Variants in CAMKK1 observed in about 807,000 individuals in gnomAD.
CAMKK1 encodes calcium/calmodulin-dependent protein kinase kinase 1.
Under a neutral mutation model 63.5 loss-of-function variants are expected in CAMKK1, and 20 were observed. That is an observed-to-expected ratio of 0.32 (90% CI 0.22 to 0.46). The LOEUF (loss-of-function observed/expected upper bound fraction) is 0.46, where lower values mean the gene tolerates loss of function less well. CAMKK1 is among the 20% of genes least tolerant of loss of function. The pLI is 1.00. For missense variants in CAMKK1, 588 were observed against 658.1 expected (o/e 0.89, Z 1.17); for synonymous variants, 253 against 269.0 (o/e 0.94, Z 0.58).
In CAMKK1 at chr17:3,890,623, T is replaced by C. The variant is rs142264203; in HGVS notation, c.-44+2316A>G. ...ATTCTTTCCTGACCCAGGTCAGCAATCCGGGAGCCCTCCTTGTCACTCGTC... is the reference window on the plus strand; with the variant it reads ...ATTCTTTCCTGACCCAGGTCAGCAACCCGGGAGCCCTCCTTGTCACTCGTC... On this transcript the variant is annotated intron_variant, in intron 1 of 15. Transcript: ENST00000348335. This position sits in a 1 kb window ranked among gnomAD's most constrained non-coding sequence, Gnocchi z 6.5. 2.0e-3 allele frequency: 1,526 copies of C among 779,526 alleles called. 17 individuals are homozygous for C. The African/African-American group carries it at 0.022, about 11-fold the overall frequency. 48.3% of individuals were successfully genotyped at this position (779,526 alleles called of 1,614,324 possible).
chr17:3,876,088 G>T, intron 10 of CAMKK1, 135 bp downstream of exon 10: 3 of 807,720 alleles, frequency 3.7e-6, no homozygotes, highest in South Asian at 3.7e-5. Flanking sequence ...AGTTTGTCAG[G>T]CTCCAAGGAA....
Position 3,890,613 on chromosome 17 carries a change from AG to A in CAMKK1, c.-44+2325del, listed in dbSNP as rs2055863124. On this transcript the variant is annotated intron_variant, in intron 1 of 15. Transcript: ENST00000348335. The surrounding 1 kb of genome is among the most constrained non-coding windows in gnomAD (Gnocchi z 6.5). ...CACCCTCCCCATTCTTTCCTGACCC[AG>A]GTCAGCAATCCGGGAGCCCTCCTTG... The A allele has an allele frequency of 1.3e-6, 1 of 779,022 alleles. No individual in the cohort carries two copies. The highest frequency in any genetic ancestry group is 2.4e-6 in the Non-Finnish European group (1 of 417,490). 48.3% of individuals were successfully genotyped at this position (779,022 alleles called of 1,614,324 possible).
chr17:3,889,208 TCA>T lies in CAMKK1; in HGVS notation c.-43-3480_-43-3479del, dbSNP rs1395765421. ...CGGAAACCCAGGCCCATCTGGAGGC[TCA>T]CACAGGGGGTGTCTCAAGGCCCTTC... On this transcript the variant is annotated intron_variant, in intron 1 of 15. Transcript: ENST00000348335. The surrounding 1 kb of genome is among the most constrained non-coding windows in gnomAD (Gnocchi z 5.2). Among the ~76,000 whole-genome samples the T allele has an allele frequency of 1.3e-5, 2 of 152,074 alleles. No homozygotes were observed. The highest frequency in any genetic ancestry group is 4.8e-5 in the African/African-American group (2 of 41,396).
Position 3,890,851 on chromosome 17 carries a change from C to T in CAMKK1, c.-44+2088G>A. 1.3e-6 allele frequency: 1 copy of T among 754,946 alleles called. No homozygotes were observed. The highest frequency in any genetic ancestry group is 1.4e-5 in the South Asian group (1 of 71,908). 46.8% of individuals were successfully genotyped at this position (754,946 alleles called of 1,614,324 possible). A position where few individuals can be genotyped will look rare whatever the true frequency, so the allele number is the denominator to read the frequency against. On this transcript the variant is annotated intron_variant, in intron 1 of 15. Coordinates refer to ENST00000348335, the MANE Select transcript of CAMKK1 (RefSeq NM_032294.3). This position sits in a 1 kb window ranked among gnomAD's most constrained non-coding sequence, Gnocchi z 6.5. ...CCTCTTCTGAGCCCTCCTTGATCTCCCCACTACCTGCTGGGTGAGCTCACC... is the reference window on the plus strand; with the variant it reads ...CCTCTTCTGAGCCCTCCTTGATCTCTCCACTACCTGCTGGGTGAGCTCACC...
At chr17:3,870,740 C>T (rs2054811398) in intron 12 of CAMKK1, among the ~76,000 whole-genome samples, 1 of 152,182 alleles carries the variant, frequency 6.6e-6, no homozygotes, top group Non-Finnish European at 1.5e-5. Context: ...AAGCCACTCT[C>T]AGGACTGTTG....
At chr17:3,877,008 T>TCGGC (rs1294460294) in intron 9 of CAMKK1, among the ~76,000 whole-genome samples, 1 of 152,028 alleles carries the variant, frequency 6.6e-6, no homozygotes, top group East Asian at 1.9e-4. Flanking sequence ...TCCACCCACC[T>TCGGC]TGGCCTCCCA....
At chr17:3,871,344 T>G (rs1273314116) in intron 12 of CAMKK1, among the ~76,000 whole-genome samples, 8 of 50,334 alleles carry the variant, frequency 1.6e-4, no homozygotes, top group African/African-American at 2.8e-4. Context: ...TTTTTTTTTT[T>G]TTGTTTTTTT....
chr17:3,877,918 A>G (rs1359119617), intron 9 of CAMKK1, among the ~76,000 whole-genome samples: 1 of 152,206 alleles, frequency 6.6e-6, no homozygotes, highest in Non-Finnish European at 1.5e-5. Context: ...ACACAGTGCA[A>G]TAACATGTCT....
chr17:3,876,757 GTT>G (rs59503016), intron 9 of CAMKK1, among the ~76,000 whole-genome samples: 6 of 101,336 alleles, frequency 5.9e-5, no homozygotes, highest in Non-Finnish European at 8.9e-5. Context: ...TTTTTTTTTG[GTT>G]TTTTTTTTTT....
Position 3,883,342 on chromosome 17 carries a change from T to A in CAMKK1, c.514+87A>T. The A allele has an allele frequency of 6.7e-7, 1 of 1,501,664 alleles. No homozygotes were observed. The highest frequency in any genetic ancestry group is 9.3e-7 in the Non-Finnish European group (1 of 1,078,854). The allele number at this position is 1,501,664 out of a possible 1,614,324, so 93.0% of individuals were successfully genotyped here. On this transcript the variant is annotated intron_variant, in intron 5 of 15. Transcript: ENST00000348335. The surrounding 1 kb of genome is among the most constrained non-coding windows in gnomAD (Gnocchi z 4.7). Reference sequence around the variant, plus strand: ...TCACGCTGTCTCCCTCTCTACCCCATTCCTAGCCAAAACTAGCTCAGGATC... The same window carrying A: ...TCACGCTGTCTCCCTCTCTACCCCAATCCTAGCCAAAACTAGCTCAGGATC...
chr17:3,867,805 T>C (rs1270498536), intron 14 of CAMKK1, among the ~76,000 whole-genome samples: 7 of 152,098 alleles, frequency 4.6e-5, no homozygotes, highest in Non-Finnish European at 1.0e-4. Flanking sequence ...CACTTGACTG[T>C]CAGGCAGGGG....
At chr17:3,863,714 T>G (rs2054404816) in intron 15 of CAMKK1, among the ~76,000 whole-genome samples, 1 of 152,106 alleles carries the variant, frequency 6.6e-6, no homozygotes, top group Non-Finnish European at 1.5e-5. Flanking sequence ...CATCTCTATT[T>G]TTTTTTTAAA....
rs1259052198 is a variant in CAMKK1, at chr17:3,862,191, C to T, written c.*20G>A. ...GCGGGATGAGTGTGCTGCCGGGTGG[C>T]CCTGGGTGCATGCAGGGGCTCAGGA... On this transcript the variant is annotated 3_prime_UTR_variant, in exon 16 of 16. Coordinates refer to ENST00000348335, the MANE Select transcript of CAMKK1 (RefSeq NM_032294.3). This position sits in a 1 kb window ranked among gnomAD's most constrained non-coding sequence, Gnocchi z 4.1. 6.4e-7 allele frequency: 1 copy of T among 1,569,836 alleles called. No homozygotes were observed. The highest frequency in any genetic ancestry group is 1.8e-5 in the Admixed American group (1 of 54,328).
intron 1 of CAMKK1, among the ~76,000 whole-genome samples, chr17:3,891,077 GAGC>G (rs1567641415): frequency 6.6e-6 from 1 of 151,184 alleles, no homozygotes; most frequent in African/African-American, 2.5e-5. Context: ...ATGGATAGAG[GAGC>G]AGAAGTGGCC....
intron 10 of CAMKK1, among the ~76,000 whole-genome samples, chr17:3,874,537 A>C (rs974491663): frequency 3.3e-5 from 5 of 151,510 alleles, no homozygotes; most frequent in African/African-American, 9.7e-5. Flanking sequence ...ATGCCCGGCT[A>C]ATTTTTGTAT....
chr17:3,869,029 C>T (rs1174382961), intron 14 of CAMKK1, among the ~76,000 whole-genome samples: 9 of 150,420 alleles, frequency 6.0e-5, no homozygotes, highest in South Asian at 2.1e-4. Flanking sequence ...AGTGCAGTGG[C>T]GCGATCTCGG....
intron 8 of CAMKK1, among the ~76,000 whole-genome samples, chr17:3,880,783 C>CTT (rs35363183): frequency 6.5e-4 from 94 of 144,052 alleles, no homozygotes; most frequent in South Asian, 3.9e-3. Context: ...GTGGCAACTG[C>CTT]TTTTTTTTTT....
intron 1 of CAMKK1, among the ~76,000 whole-genome samples, chr17:3,888,110 A>G (rs948228318): frequency 6.6e-6 from 1 of 152,212 alleles, no homozygotes; most frequent in African/African-American, 2.4e-5. Flanking sequence ...GCCCCAGCAC[A>G]TATAACAGAA....
At chr17:3,888,704 G>C (rs998719651) in intron 1 of CAMKK1, among the ~76,000 whole-genome samples, 4 of 152,244 alleles carry the variant, frequency 2.6e-5, no homozygotes, top group Non-Finnish European at 4.4e-5. Flanking sequence ...GCGGCCGCGA[G>C]GGCTGACGTC....
Sources: gnomAD v4.1 joint callset for allele counts (sites outside exome capture counted in the v4.1 genomes callset) on GRCh38, gnomAD v4.1.1 for gene constraint, Gnocchi (gnomAD v3.1) non-coding constraint, MANE v1.5 for transcripts, NCBI Gene and HGNC (gene_info 2026-07-23, HGNC 2026-07-21) for gene names.